The following RYR3 variants were observed in gnomAD, a reference collection of about 807,000 sequenced individuals.
The protein encoded by RYR3 is ryanodine receptor 3, also known as brain ryanodine receptor-calcium release channel.
In RYR3, 207 loss-of-function variants were observed where a neutral mutation model predicts 584.3. The observed-to-expected ratio is 0.35, with a 90% CI of 0.32 to 0.40. RYR3 has a LOEUF of 0.40. Ranked by LOEUF, RYR3 falls within the 10% of genes least tolerant of loss-of-function variation. The probability of loss-of-function intolerance (pLI) is 1.00; values close to 1 mark genes in which losing one functional copy is unlikely to be tolerated. For synonymous variants in RYR3, 2,416 were observed against 2,248.5 expected (o/e 1.07, Z -2.11); for missense variants, 5,616 against 6,089.2 (o/e 0.92, Z 2.59).
At chr15:33,667,919 T>C (rs1221433133) in intron 36 of RYR3, among the ~76,000 whole-genome samples, 2 of 151,912 alleles carry the variant, frequency 1.3e-5, no homozygotes, top group Non-Finnish European at 2.9e-5. Flanking sequence ...AGAAATTAGC[T>C]GAGTGCGGTG....
At chr15:33,771,311 G>A (rs145106487) in intron 62 of RYR3, among the ~76,000 whole-genome samples, 104 of 152,300 alleles carry the variant, frequency 6.8e-4, no homozygotes, top group East Asian at 2.7e-3. Context: ...CAAGGCGGGC[G>A]GATCACCAGG....
chr15:33,499,188 C>A (rs2051723328), intron 2 of RYR3, among the ~76,000 whole-genome samples: 2 of 150,878 alleles, frequency 1.3e-5, no homozygotes, highest in Admixed American at 1.3e-4. Context: ...CCTCTCTCTC[C>A]CTCCCCTTCC....
chr15:33,671,883 C>G (rs2063868421), intron 38 of RYR3, among the ~76,000 whole-genome samples: 1 of 142,130 alleles, frequency 7.0e-6, no homozygotes, highest in Non-Finnish European at 1.5e-5. Context: ...GGTGTGATCT[C>G]CACTCACTGC....
Position 33,634,652 on chromosome 15 carries a change from T to C in RYR3, c.3094T>C (p.Ser1032Pro). 6.2e-7 allele frequency: 1 copy of C among 1,613,854 alleles called. No individual in the cohort carries two copies. The highest frequency in any genetic ancestry group is 2.2e-5 in the East Asian group (1 of 44,878). Reference sequence around the variant, plus strand: ...ATTACTGGATGAGCGTACCAAGAAGTCAAACAGGGACAGCCTGCGGGAAGC... The same window carrying C: ...ATTACTGGATGAGCGTACCAAGAAGCCAAACAGGGACAGCCTGCGGGAAGC... ...YALLDERTKK[S>P]NRDSLREAVR... Residue 1032 changes from serine (S) to proline (P), a missense_variant, in exon 25 of 104, where the codon TCA becomes CCA. Ser to Pro is a moderately conservative substitution (Grantham distance 74). Coordinates refer to ENST00000634891, the MANE Select transcript of RYR3 (RefSeq NM_001036.6).
At chr15:33,795,091 G>C (rs1365211533) in intron 67 of RYR3, among the ~76,000 whole-genome samples, 9 of 152,160 alleles carry the variant, frequency 5.9e-5, no homozygotes, top group Non-Finnish European at 1.3e-4. Context: ...TCTTGTGGCA[G>C]CTCTTTAAAT....
intron 23 of RYR3, among the ~76,000 whole-genome samples, chr15:33,631,645 C>T (rs554334058): frequency 2.6e-5 from 4 of 152,172 alleles, no homozygotes; most frequent in Admixed American, 6.5e-5. Flanking sequence ...TGGCATTGGA[C>T]CAGCCTTGTA....
At chr15:33,465,901 C>A in intron 1 of RYR3, 1 of 455,472 alleles carries the variant, frequency 2.2e-6, no homozygotes, top group East Asian at 5.9e-5. Flanking sequence ...TTCTTCATCT[C>A]TCCGTCTCTT....
intron 3 of RYR3, among the ~76,000 whole-genome samples, chr15:33,527,979 G>A (rs79866593): frequency 0.028 from 4,335 of 152,232 alleles, 69 homozygotes; most frequent in Non-Finnish European, 0.04. Flanking sequence ...TTGAACTAAT[G>A]GGGGAGTATG....
At chr15:33,648,554 T>A (rs568162007) in intron 30 of RYR3, among the ~76,000 whole-genome samples, 1 of 152,336 alleles carries the variant, frequency 6.6e-6, no homozygotes, top group South Asian at 2.1e-4. Context: ...GGCCATGAGA[T>A]GAACTTTTTC....
intron 5 of RYR3, among the ~76,000 whole-genome samples, chr15:33,537,538 T>TA (rs11462832): frequency 0.86 from 131,072 of 152,134 alleles, 57,009 homozygotes; most frequent in Middle Eastern, 0.98. Context: ...ATATTGGAAA[T>TA]TTTTTTTCCT....
At chr15:33,741,884 G>A (rs1415988623) in intron 51 of RYR3, among the ~76,000 whole-genome samples, 1 of 152,134 alleles carries the variant, frequency 6.6e-6, no homozygotes, top group African/African-American at 2.4e-5. Context: ...AAAGTGCTGG[G>A]ATTACAGGCG....
chr15:33,362,123 C>T (rs1974853004), intron 1 of RYR3, among the ~76,000 whole-genome samples: 1 of 152,162 alleles, frequency 6.6e-6, no homozygotes, highest in African/African-American at 2.4e-5. Flanking sequence ...AACACAGCAC[C>T]CTTGCCCCCT....
intron 63 of RYR3, among the ~76,000 whole-genome samples, chr15:33,773,152 T>G (rs146959135): frequency 3.0e-4 from 46 of 152,348 alleles, no homozygotes; most frequent in African/African-American, 1.1e-3. Context: ...CTTCAGATTT[T>G]CTGCATTCAT....
intron 3 of RYR3, among the ~76,000 whole-genome samples, chr15:33,505,966 T>C (rs1218851172): frequency 1.3e-5 from 2 of 152,236 alleles, no homozygotes; most frequent in South Asian, 4.1e-4. Flanking sequence ...ACTATGTTAA[T>C]TGGAGAATTA....
intron 46 of RYR3, 106 bp downstream of exon 46, chr15:33,726,612 C>A: frequency 1.6e-6 from 2 of 1,250,124 alleles, no homozygotes; most frequent in Non-Finnish European, 2.2e-6. Flanking sequence ...ACTTGCAGGG[C>A]GGGCTGCACA....
intron 3 of RYR3, among the ~76,000 whole-genome samples, chr15:33,528,373 A>C (rs1270678832): frequency 2.6e-5 from 4 of 152,048 alleles, no homozygotes; most frequent in Admixed American, 6.5e-5. Context: ...CCACTTCCAG[A>C]CCTTTGCCCA....
intron 1 of RYR3, among the ~76,000 whole-genome samples, chr15:33,326,765 G>A (rs1417649878): frequency 6.6e-6 from 1 of 152,132 alleles, no homozygotes; most frequent in East Asian, 1.9e-4. Flanking sequence ...AAGACAATCT[G>A]GCCTTAATTC....
chr15:33,424,553 C>T (rs1232144376), intron 1 of RYR3, among the ~76,000 whole-genome samples: 2 of 152,152 alleles, frequency 1.3e-5, no homozygotes, highest in Non-Finnish European at 2.9e-5. Context: ...ACCAGATAAG[C>T]ATGTGACTGA....
chr15:33,772,041 C>T lies in RYR3; in HGVS notation c.8938C>T (p.Arg2980Ter). The T allele has an allele frequency of 3.1e-6, 5 of 1,613,504 alleles. No individual in the cohort carries two copies. Among genetic ancestry groups the T allele is most frequent in the Non-Finnish European group, 3.4e-6 (4 of 1,179,624 alleles). ...GAAACTTGGGAAGTTCACCCATTCC[C>T]GAACGCAGATTAAAGGCGTTTCTCA... ...NLKLGKFTHS[R>*]TQIKGVSQNI... The change falls in exon 63 of 104, where the codon CGA (arginine) becomes TGA (stop). Residue 2980 changes from arginine (R) to a stop codon, truncating the protein, a stop_gained. Coordinates refer to ENST00000634891, the MANE Select transcript of RYR3 (RefSeq NM_001036.6). LOFTEE classifies it high-confidence loss of function.
Sources: gnomAD v4.1 joint callset for allele counts (sites outside exome capture counted in the v4.1 genomes callset) on GRCh38, gnomAD v4.1.1 for gene constraint, MANE v1.5 for transcripts, NCBI Gene and HGNC (gene_info 2026-07-23, HGNC 2026-07-21) for gene names.